Variants in KHK observed in about 807,000 individuals in gnomAD.
KHK encodes ketohexokinase.
Under a neutral mutation model 36.0 loss-of-function variants are expected in KHK, and 37 were observed. That is an observed-to-expected ratio of 1.03 (90% CI 0.79 to 1.35). The LOEUF is 1.35. Ranked by LOEUF, KHK falls within the 40% of genes most tolerant of loss-of-function variation. The probability of loss-of-function intolerance (pLI) is 0.00; values close to 1 mark genes in which losing one functional copy is unlikely to be tolerated. For synonymous variants in KHK, 161 were observed against 162.8 expected, an observed-to-expected ratio of 0.99 and a Z score of 0.08; for missense variants, 395 against 391.9, an observed-to-expected ratio of 1.01 and a Z score of -0.07.
At position 27,092,430 on chromosome 2, in the gene KHK, CTCCTGG is replaced by C. The variant is rs1670070917; in HGVS notation, c.192_197del (p.Pro65_Gly66del). On this transcript the variant is annotated inframe_deletion, in exon 2 of 8. Coordinates refer to ENST00000260598, the MANE Select transcript of KHK (RefSeq NM_006488.3). ...CCCTGTGCCTTCATGGGCTCAATGG[CTCCTGG>C]CCATGTTGCTGAGTAAGTCCAGGAG... is the stretch of plus-strand genomic sequence containing the variant. 1.9e-6 allele frequency: 3 copies of C among 1,613,044 alleles called. No individual in the cohort carries two copies. The highest frequency in any genetic ancestry group is 2.5e-6 in the Non-Finnish European group (3 of 1,179,704).
chr2:27,096,635 C>G lies in KHK; in HGVS notation c.345-94C>G, dbSNP rs955152505. 92 of 956,328 alleles carry G rather than the reference C, an allele frequency of 9.6e-5. No homozygotes were observed. The Admixed American group carries it at 1.5e-3, about 16-fold the overall frequency. The allele number at this position is 956,328 out of a possible 1,614,324, so 59.2% of individuals were successfully genotyped here. A position where few individuals can be genotyped will look rare whatever the true frequency, so the allele number is the denominator to read the frequency against. On this transcript the variant is annotated intron_variant, in intron 3 of 7. Coordinates refer to ENST00000260598, the MANE Select transcript of KHK (RefSeq NM_006488.3). ...GCTTCCTGTCATGCTGCCAGCAGTGCAGGCACAGGGTCCACAGCTGCCAGT... is the reference window on the plus strand; with the variant it reads ...GCTTCCTGTCATGCTGCCAGCAGTGGAGGCACAGGGTCCACAGCTGCCAGT...
At position 27,087,099 on chromosome 2, in the gene KHK, C is replaced by T; in HGVS notation, c.-161C>T. 1.6e-6 allele frequency: 1 copy of T among 617,866 alleles called. No individual in the cohort carries two copies. Among genetic ancestry groups the T allele is most frequent in the Non-Finnish European group, 2.9e-6 (1 of 347,454 alleles). The allele number at this position is 617,866 out of a possible 1,614,324, so 38.3% of individuals were successfully genotyped here. ...GGAAGGGCCCTGCTCCTTTCGTTCCCTGCACCCCTGGCCGCTGCAGGTGGC... is the reference window on the plus strand; with the variant it reads ...GGAAGGGCCCTGCTCCTTTCGTTCCTTGCACCCCTGGCCGCTGCAGGTGGC... On this transcript the variant is annotated 5_prime_UTR_variant, in exon 1 of 8. Coordinates refer to ENST00000260598, the MANE Select transcript of KHK (RefSeq NM_006488.3).
At position 27,087,188 on chromosome 2, in the gene KHK, C is replaced by T; in HGVS notation, c.-72C>T. Reference sequence around the variant, plus strand: ...GGCAGCTGGGAGCGGGGACACCATCCTCCTGGATAAGAGGCAGAGGCCGGG... The same window carrying T: ...GGCAGCTGGGAGCGGGGACACCATCTTCCTGGATAAGAGGCAGAGGCCGGG... On this transcript the variant is annotated 5_prime_UTR_variant, in exon 1 of 8. Transcript: ENST00000260598. 5 of 1,323,804 alleles carry T rather than the reference C, an allele frequency of 3.8e-6. No individual in the cohort carries two copies. The highest frequency in any genetic ancestry group is 2.5e-5 in the South Asian group (2 of 78,816). The allele number at this position is 1,323,804 out of a possible 1,614,324, so 82.0% of individuals were successfully genotyped here. A position where few individuals can be genotyped will look rare whatever the true frequency, so the allele number is the denominator to read the frequency against.
intron 4 of KHK, among the ~76,000 whole-genome samples, 181 bp from the exon 5 acceptor site, chr2:27,097,322 G>A (rs11685964): frequency 6.6e-6 from 1 of 152,192 alleles, no homozygotes; most frequent in Admixed American, 6.5e-5. Context: ...GAATGGAGTA[G>A]CTGGTTGATA....
chr2:27,099,091 T>C (rs1332181375), intron 5 of KHK, 105 bp from the exon 6 acceptor site: 6 of 956,706 alleles, frequency 6.3e-6, no homozygotes, highest in Non-Finnish European at 1.0e-5. Context: ...TGGGGATCTA[T>C]GTGGACATGT....
chr2:27,099,281 A>C lies in KHK; in HGVS notation c.650A>C (p.Lys217Thr), dbSNP rs767763890. The C allele has an allele frequency of 6.2e-7, 1 of 1,614,140 alleles. No homozygotes were observed. The highest frequency in any genetic ancestry group is 8.5e-7 in the Non-Finnish European group (1 of 1,180,002). The stretch of plus-strand genomic sequence containing the variant: ...AGGGGCTTGTATGGTCGTGTGAGGA[A>C]AGGGTGAGCCGGGGAAGCCAGGAAG... ...ALRGLYGRVR[K>T]GAVLVCAWAE... The change falls in exon 6 of 8, where the codon AAA becomes ACA. Residue 217 changes from lysine (K) to threonine (T), a missense_variant. Physicochemically the swap from Lys to Thr is moderately conservative, Grantham distance 78. Coordinates refer to ENST00000260598, the MANE Select transcript of KHK (RefSeq NM_006488.3).
chr2:27,094,588 C>T (rs773548056), intron 2 of KHK: 2 of 1,614,206 alleles, frequency 1.2e-6, no homozygotes, highest in South Asian at 2.2e-5. Flanking sequence ...CCAGTGGTAG[C>T]CGCACCATCC....
In KHK at chr2:27,097,514, A is replaced by G. The variant is rs953267044; in HGVS notation, c.429A>G (p.Ala143=). The change falls in exon 5 of 8, where the codon GCA becomes GCG. Residue 143 remains alanine, a synonymous_variant. Transcript: ENST00000260598. ...CTGTCCTGTACCAGGGCCGGAACGC[A>G]TCGGAGCAGGTGAAGATGCTGCAGC... is the stretch of plus-strand genomic sequence containing the variant. ...FKWIHIEGRN[A]SEQVKMLQRI... is the part of the protein sequence containing the mutation. 2 of 1,613,620 alleles carry G rather than the reference A, an allele frequency of 1.2e-6. No homozygotes were observed. The highest frequency in any genetic ancestry group is 1.1e-5 in the South Asian group (1 of 91,086).
intron 5 of KHK, among the ~76,000 whole-genome samples, chr2:27,098,152 A>C (rs2148366157): frequency 6.6e-6 from 1 of 152,298 alleles, no homozygotes; most frequent in East Asian, 1.9e-4. Context: ...GCATCATAGC[A>C]GAAGTTGGTT....
rs993115774 is a variant in KHK, at chr2:27,091,985, C to T, written c.93-347C>T. 2.0e-5 allele frequency among the ~76,000 whole-genome samples: 3 copies of T among 152,330 alleles called. No individual in the cohort carries two copies. The East Asian group carries it at 5.8e-4, about 29-fold the overall frequency. On this transcript the variant is annotated intron_variant, in intron 1 of 7. Transcript: ENST00000260598. ...GAGGCCAAAGGTGCAGCGTCTGGAG[C>T]AGCTCTGACTGGGGTGAAAGGTGAG...
intron 4 of KHK, 28 bp from the exon 5 acceptor site, chr2:27,097,475 G>T: frequency 6.2e-6 from 10 of 1,612,400 alleles, no homozygotes; most frequent in Non-Finnish European, 8.5e-6. Context: ...AGTGCCCAGC[G>T]GTCCTGAGCT....
intron 1 of KHK, among the ~76,000 whole-genome samples, chr2:27,090,012 C>T (rs1299202847): frequency 6.6e-6 from 1 of 152,178 alleles, no homozygotes; most frequent in Admixed American, 6.5e-5. Flanking sequence ...GCCACCACAC[C>T]CAACTAATTT....
rs760625839 is a variant in KHK at position 27,092,445 on chromosome 2, CTGAG to C, written c.208_209+2del. Reference sequence around the variant, plus strand: ...GGCTCAATGGCTCCTGGCCATGTTGCTGAGTAAGTCCAGGAGGGAGAGCCCACTG... The same window carrying C: ...GGCTCAATGGCTCCTGGCCATGTTGCTAAGTCCAGGAGGGAGAGCCCACTG... On this transcript the variant is annotated splice_donor_variant and coding_sequence_variant, in exon 2 of 8. Coordinates refer to ENST00000260598, the MANE Select transcript of KHK (RefSeq NM_006488.3). LOFTEE classifies it high-confidence loss of function. The C allele has an allele frequency of 3.1e-6, 5 of 1,610,660 alleles. No homozygotes were observed. The highest frequency in any genetic ancestry group is 4.2e-6 in the Non-Finnish European group (5 of 1,177,914).
intron 6 of KHK, 28 bp downstream of exon 6, chr2:27,099,312 T>A (rs1461547858): frequency 1.2e-6 from 2 of 1,613,244 alleles, no homozygotes; most frequent in Non-Finnish European, 1.7e-6. Flanking sequence ...GGAAGGGGCT[T>A]TAGAAGGTAC....
intron 1 of KHK, among the ~76,000 whole-genome samples, chr2:27,088,174 C>G (rs1572854519): frequency 7.3e-6 from 1 of 137,922 alleles, no homozygotes; most frequent in Non-Finnish European, 1.5e-5. Flanking sequence ...AGTGGTGCAA[C>G]CATGCTCACT....
In KHK at chr2:27,100,264, C is replaced by T; in HGVS notation, c.*514C>T. On this transcript the variant is annotated 3_prime_UTR_variant, in exon 8 of 8. Transcript: ENST00000260598. ...ACAGCTCAGAAGCTGGGAGTCCACA[C>T]CGCTGAGCTGAACTGACAGGCCAGT... is the stretch of plus-strand genomic sequence containing the variant. The T allele has an allele frequency of 2.4e-6, 1 of 410,038 alleles. No individual in the cohort carries two copies. Among genetic ancestry groups the T allele is most frequent in the Non-Finnish European group, 4.5e-6 (1 of 220,984 alleles). 25.4% of individuals were successfully genotyped at this position (410,038 alleles called of 1,614,324 possible).
intron 4 of KHK, among the ~76,000 whole-genome samples, chr2:27,097,010 C>T (rs553412712): frequency 1.3e-5 from 2 of 152,358 alleles, no homozygotes; most frequent in Admixed American, 6.5e-5. Flanking sequence ...CACAGCAGAA[C>T]GTAAGCACAG....
At position 27,087,179 on chromosome 2, in the gene KHK, G is replaced by C; in HGVS notation, c.-81G>C. ...AGGAGCCAGGGCAGCTGGGAGCGGG[G>C]ACACCATCCTCCTGGATAAGAGGCA... On this transcript the variant is annotated 5_prime_UTR_variant, in exon 1 of 8. Coordinates refer to ENST00000260598, the MANE Select transcript of KHK (RefSeq NM_006488.3). 1.6e-6 allele frequency: 2 copies of C among 1,221,384 alleles called. No individual in the cohort carries two copies. The highest frequency in any genetic ancestry group is 2.3e-6 in the Non-Finnish European group (2 of 852,142). 75.7% of individuals were successfully genotyped at this position (1,221,384 alleles called of 1,614,324 possible).
intron 2 of KHK, 57 bp from the exon 3 acceptor site, chr2:27,094,743 T>A: frequency 6.2e-7 from 1 of 1,613,854 alleles, no homozygotes; most frequent in South Asian, 1.1e-5. Flanking sequence ...TCCAGACCAC[T>A]TCCAGGCTCT....
Sources: allele counts gnomAD v4.1 joint callset (sites outside exome capture counted in the v4.1 genomes callset), GRCh38; gene constraint gnomAD v4.1.1; transcripts MANE v1.5; gene names NCBI Gene and HGNC (gene_info 2026-07-23, HGNC 2026-07-21).